CPA6: variants seen among roughly 807,000 people sequenced by gnomAD.
CPA6 encodes the protein carboxypeptidase B.
Under a neutral mutation model 63.3 loss-of-function variants are expected in CPA6, and 58 were observed. That is an observed-to-expected ratio of 0.92 (90% CI 0.74 to 1.14). The LOEUF (loss-of-function observed/expected upper bound fraction) is 1.14, where lower values mean the gene tolerates loss of function less well. Among genes scored for constraint, CPA6 ranks in the 50% most tolerant of loss-of-function variants. CPA6 has a pLI of 0.00. For synonymous variants in CPA6, 185 were observed against 179.0 expected, an observed-to-expected ratio of 1.03 and a Z score of -0.27; for missense variants, 565 against 526.6, an observed-to-expected ratio of 1.07 and a Z score of -0.71.
At chr8:67,645,054 T>C (rs1316512265) in intron 1 of CPA6, among the ~76,000 whole-genome samples, 3 of 152,160 alleles carry the variant, frequency 2.0e-5, no homozygotes, top group African/African-American at 4.8e-5. Context: ...CTATCCTATA[T>C]ATTACTGTAG....
intron 2 of CPA6, among the ~76,000 whole-genome samples, chr8:67,589,579 G>A (rs769156915): frequency 3.7e-4 from 57 of 152,164 alleles, no homozygotes; most frequent in Non-Finnish European, 6.9e-4. Flanking sequence ...AGAAGTTATA[G>A]GGGTCTTATC....
chr8:67,445,362 C>T (rs1051402097), intron 8 of CPA6, among the ~76,000 whole-genome samples: 24 of 152,162 alleles, frequency 1.6e-4, no homozygotes, highest in Admixed American at 1.4e-3. Context: ...GGTGGAGTGA[C>T]AGGCCTTGAA....
At chr8:67,496,786 C>A (rs1271602346) in intron 6 of CPA6, among the ~76,000 whole-genome samples, 2 of 151,878 alleles carry the variant, frequency 1.3e-5, no homozygotes, top group African/African-American at 4.8e-5. Flanking sequence ...GTCTTGAACT[C>A]CTGACCTCAT....
At chr8:67,711,513 C>T (rs936064308) in intron 1 of CPA6, among the ~76,000 whole-genome samples, 1 of 152,194 alleles carries the variant, frequency 6.6e-6, no homozygotes, top group African/African-American at 2.4e-5. Context: ...GGAGTGGGCA[C>T]TAGCCCTCCT....
chr8:67,580,915 C>T (rs994502873), intron 2 of CPA6, among the ~76,000 whole-genome samples: 3 of 152,082 alleles, frequency 2.0e-5, no homozygotes, highest in African/African-American at 7.2e-5. Context: ...AGTTTTATGG[C>T]CCTGAAGTAA....
chr8:67,616,415 G>A (rs1814948648), intron 2 of CPA6, among the ~76,000 whole-genome samples: 1 of 151,760 alleles, frequency 6.6e-6, no homozygotes, highest in South Asian at 2.1e-4. Flanking sequence ...AGATGATCAG[G>A]GCCAGAACTA....
At chr8:67,535,901 T>G (rs191057320) in intron 2 of CPA6, among the ~76,000 whole-genome samples, 108 of 152,256 alleles carry the variant, frequency 7.1e-4, no homozygotes, top group African/African-American at 2.6e-3. Flanking sequence ...AAGGAAAGGG[T>G]CCAGTTTCAG....
At chr8:67,685,195 A>G (rs553448741) in intron 1 of CPA6, among the ~76,000 whole-genome samples, 1 of 152,328 alleles carries the variant, frequency 6.6e-6, no homozygotes, top group East Asian at 1.9e-4. Flanking sequence ...CTGGGTATCC[A>G]GATATATCAA....
At chr8:67,428,974 T>C (rs1398950813) in intron 9 of CPA6, among the ~76,000 whole-genome samples, 1 of 152,224 alleles carries the variant, frequency 6.6e-6, no homozygotes, top group Admixed American at 6.5e-5. Context: ...TTCTTAAGTA[T>C]ATATTTCACT....
chr8:67,484,378 C>T (rs769313841), intron 7 of CPA6, among the ~76,000 whole-genome samples: 1 of 152,116 alleles, frequency 6.6e-6, no homozygotes, highest in Non-Finnish European at 1.5e-5. Flanking sequence ...GGCCTTTTTG[C>T]CTTCTCTTGG....
chr8:67,471,742 C>A (rs1470846277), intron 8 of CPA6, among the ~76,000 whole-genome samples: 1 of 152,006 alleles, frequency 6.6e-6, no homozygotes, highest in Non-Finnish European at 1.5e-5. Context: ...GAATAGCATT[C>A]AAAAGAGATG....
chr8:67,584,891 A>C (rs1813884655), intron 2 of CPA6, among the ~76,000 whole-genome samples: 1 of 152,218 alleles, frequency 6.6e-6, no homozygotes, highest in African/African-American at 2.4e-5. Context: ...ATGTGGTTGT[A>C]CAGGACTGTT....
chr8:67,732,919 G>C (rs368498122), intron 1 of CPA6, among the ~76,000 whole-genome samples: 1 of 151,990 alleles, frequency 6.6e-6, no homozygotes, highest in Non-Finnish European at 1.5e-5. Context: ...GCTTCTTGCC[G>C]GGCGTGGTGG....
intron 1 of CPA6, among the ~76,000 whole-genome samples, chr8:67,666,024 T>C (rs771597568): frequency 2.0e-4 from 31 of 152,308 alleles, no homozygotes; most frequent in Non-Finnish European, 3.7e-4. Context: ...GCTATTCCAG[T>C]TTTATCATTT....
rs147636478 is a variant in CPA6, at chr8:67,506,431, G to A, written c.636+356C>T. Among the ~76,000 whole-genome samples, 71 of 152,318 alleles carry A rather than the reference G, an allele frequency of 4.7e-4. 1 individual carries two copies. The East Asian group carries it at 0.012, about 26-fold the overall frequency. On this transcript the variant is annotated intron_variant, in intron 6 of 10. Transcript: ENST00000297770. ...AGTCAAGTGATGTAGAACTTTCTGA[G>A]CTGGATATCTTGTAAGAAATTATTT...
At chr8:67,712,409 G>T (rs1216258064) in intron 1 of CPA6, among the ~76,000 whole-genome samples, 1 of 152,102 alleles carries the variant, frequency 6.6e-6, no homozygotes, top group African/African-American at 2.4e-5. Context: ...AGCTTCCCAG[G>T]CTGCTACAAG....
intron 2 of CPA6, among the ~76,000 whole-genome samples, chr8:67,578,705 C>G (rs1813689333): frequency 6.6e-6 from 1 of 152,084 alleles, no homozygotes. Context: ...TTTCAAGAAA[C>G]ATCAATTTAG....
chr8:67,606,718 G>A (rs1375409283), intron 2 of CPA6, among the ~76,000 whole-genome samples: 1 of 152,170 alleles, frequency 6.6e-6, no homozygotes, highest in East Asian at 1.9e-4. Context: ...GTTGGACCCA[G>A]CATCTGCTCT....
At chr8:67,589,281 G>C (rs1814038813) in intron 2 of CPA6, among the ~76,000 whole-genome samples, 1 of 152,154 alleles carries the variant, frequency 6.6e-6, no homozygotes, top group Non-Finnish European at 1.5e-5. Flanking sequence ...TACCTTGATA[G>C]TTTTAGGCAG....
Sources: gnomAD v4.1 joint callset for allele counts (sites outside exome capture counted in the v4.1 genomes callset) on GRCh38, gnomAD v4.1.1 for gene constraint, MANE v1.5 for transcripts, NCBI Gene and HGNC (gene_info 2026-07-23, HGNC 2026-07-21) for gene names.